Variants in RPAP3 observed in about 807,000 individuals in gnomAD.
RPAP3 encodes RNA polymerase II-associated protein 3.
In RPAP3, 58 loss-of-function variants were observed where a neutral mutation model predicts 88.8. The observed-to-expected ratio is 0.65, with a 90% CI of 0.53 to 0.81. The LOEUF is 0.81. RPAP3 is among the 40% of genes least tolerant of loss of function. The pLI is 0.00. For synonymous variants in RPAP3, 255 were observed against 259.9 expected (o/e 0.98, Z 0.18); for missense variants, 751 against 764.3 (o/e 0.98, Z 0.20).
At chr12:47,670,637 G>A (rs1031852694) in intron 12 of RPAP3, among the ~76,000 whole-genome samples, 2 of 152,172 alleles carry the variant, frequency 1.3e-5, no homozygotes, top group Non-Finnish European at 2.9e-5. Context: ...CAGGAAGGAA[G>A]ATAAACACTG....
intron 3 of RPAP3, among the ~76,000 whole-genome samples, chr12:47,700,493 G>A (rs1291225590): frequency 6.6e-6 from 1 of 152,108 alleles, no homozygotes; most frequent in Admixed American, 6.5e-5. Flanking sequence ...AAACTAAAGA[G>A]GAATATATAT....
chr12:47,698,876 C>T (rs1363973239), intron 3 of RPAP3, among the ~76,000 whole-genome samples: 1 of 151,932 alleles, frequency 6.6e-6, no homozygotes, highest in Admixed American at 6.6e-5. Context: ...ATTCTTTTTG[C>T]ATTCAAACAC....
At position 47,704,868 on chromosome 12, in the gene RPAP3, C is replaced by A. The variant is rs1009647362; in HGVS notation, c.-7+1084G>T. 3.2e-4 allele frequency among the ~76,000 whole-genome samples: 49 copies of A among 151,966 alleles called. 1 individual carries two copies. The highest frequency in any genetic ancestry group is 1.2e-3 in the African/African-American group (49 of 41,444). ...TCTCTACTAAAAACACAAAAATTAG[C>A]CAGGCGTGGTGGAGGGTGCCTATAG... On this transcript the variant is annotated intron_variant, in intron 1 of 16. Transcript: ENST00000005386.
intron 9 of RPAP3, among the ~76,000 whole-genome samples, chr12:47,685,386 A>G (rs1939303114): frequency 6.6e-6 from 1 of 151,996 alleles, no homozygotes. Flanking sequence ...CTCAAAAAAA[A>G]AAAAAAAATC....
At position 47,663,144 on chromosome 12, in the gene RPAP3, A is replaced by G. The variant is rs1938793627; in HGVS notation, c.*361T>C. ...TTCCTCTTTACAAAGGTAATTATTC[A>G]TATGCTAATGAAGCAGCTTTGGCAA... On this transcript the variant is annotated 3_prime_UTR_variant, in exon 17 of 17. Transcript: ENST00000005386. 1 of 163,588 alleles carries G rather than the reference A, an allele frequency of 6.1e-6. No homozygotes were observed. Among genetic ancestry groups the G allele is most frequent in the African/African-American group, 2.4e-5 (1 of 41,670 alleles). 10.1% of individuals were successfully genotyped at this position (163,588 alleles called of 1,614,324 possible).
chr12:47,673,303 C>T (rs1939037580), intron 12 of RPAP3, among the ~76,000 whole-genome samples: 1 of 151,844 alleles, frequency 6.6e-6, no homozygotes, highest in African/African-American at 2.4e-5. Context: ...ATTAGCCAGG[C>T]ATGATGGCAG....
At chr12:47,668,639 T>C (rs1938931965) in intron 14 of RPAP3, among the ~76,000 whole-genome samples, 1 of 152,192 alleles carries the variant, frequency 6.6e-6, no homozygotes, top group Non-Finnish European at 1.5e-5. Context: ...CAATGTATTT[T>C]AGGGTTTTTT....
intron 5 of RPAP3, 28 bp from the exon 6 acceptor site, chr12:47,690,667 A>G: frequency 7.2e-7 from 1 of 1,390,854 alleles, no homozygotes; most frequent in Non-Finnish European, 9.6e-7. Flanking sequence ...TAAAATAAAT[A>G]AAGTTAATAA....
At chr12:47,690,268 GA>G (rs1298603364) in intron 6 of RPAP3, among the ~76,000 whole-genome samples, 4 of 152,154 alleles carry the variant, frequency 2.6e-5, no homozygotes. Flanking sequence ...ATGAGAAACT[GA>G]AAATCAGAGG....
At chr12:47,675,971 C>T (rs970634240) in intron 12 of RPAP3, among the ~76,000 whole-genome samples, 2 of 152,292 alleles carry the variant, frequency 1.3e-5, no homozygotes, top group East Asian at 3.9e-4. Context: ...CACACTTATT[C>T]CAAAATTGAC....
chr12:47,684,680 G>C (rs928237448), intron 9 of RPAP3, among the ~76,000 whole-genome samples: 3 of 152,120 alleles, frequency 2.0e-5, no homozygotes, highest in African/African-American at 7.2e-5. Flanking sequence ...CAATAAATTA[G>C]ATATCTTATA....
rs1168228559 is a variant in RPAP3, at chr12:47,690,053, AAAG to A, written c.667+462_667+464del. The stretch of plus-strand genomic sequence containing the variant: ...CAAGACTCTGTCTCAAAAAAAAAAA[AAAG>A]AAAAAAAAAAACCTAAGCAGCAGCA... On this transcript the variant is annotated intron_variant, in intron 6 of 16. Transcript: ENST00000005386. 8.6e-5 allele frequency among the ~76,000 whole-genome samples: 13 copies of A among 151,440 alleles called. 1 individual carries two copies. The highest frequency in any genetic ancestry group is 2.1e-4 in the South Asian group (1 of 4,766).
chr12:47,667,122 C>G, intron 15 of RPAP3, 42 bp from the exon 16 acceptor site: 1 of 901,066 alleles, frequency 1.1e-6, no homozygotes. Context: ...CAGTTAAAAG[C>G]AGCTCATTTA....
chr12:47,700,954 G>C (rs1939642884), intron 3 of RPAP3, among the ~76,000 whole-genome samples: 1 of 152,226 alleles, frequency 6.6e-6, no homozygotes, highest in East Asian at 1.9e-4. Flanking sequence ...AGGTGGCGTA[G>C]AGAGGAGCAG....
At chr12:47,667,592 C>T (rs539801129) in intron 15 of RPAP3, among the ~76,000 whole-genome samples, 162 bp downstream of exon 15, 9 of 152,122 alleles carry the variant, frequency 5.9e-5, no homozygotes, top group South Asian at 2.1e-4. Context: ...TTATGTAAAA[C>T]GGCATACTGT....
chr12:47,686,728 A>G, intron 9 of RPAP3, 52 bp downstream of exon 9: 1 of 1,351,504 alleles, frequency 7.4e-7, no homozygotes, highest in Non-Finnish European at 9.7e-7. Context: ...AAATTTACCA[A>G]TTTATTGTAA....
At chr12:47,665,755 C>T (rs1323747832) in intron 16 of RPAP3, among the ~76,000 whole-genome samples, 1 of 151,994 alleles carries the variant, frequency 6.6e-6, no homozygotes, top group South Asian at 2.1e-4. Flanking sequence ...ATTCTCCCAC[C>T]TCAGCCCCCC....
chr12:47,689,689 C>G (rs1939391836), intron 6 of RPAP3, among the ~76,000 whole-genome samples: 1 of 152,124 alleles, frequency 6.6e-6, no homozygotes, highest in Non-Finnish European at 1.5e-5. Flanking sequence ...AATCCTATGA[C>G]AAACCATCTT....
intron 10 of RPAP3, 80 bp downstream of exon 10, chr12:47,681,616 G>C (rs1430177395): frequency 7.0e-7 from 1 of 1,419,772 alleles, no homozygotes; most frequent in Non-Finnish European, 9.7e-7. Context: ...TTTGAACCAT[G>C]GGTAAGCTAC....
Sources: allele counts gnomAD v4.1 joint callset (sites outside exome capture counted in the v4.1 genomes callset), GRCh38; gene constraint gnomAD v4.1.1; transcripts MANE v1.5; gene names NCBI Gene and HGNC (gene_info 2026-07-23, HGNC 2026-07-21).